MAML3: variants seen among roughly 807,000 people sequenced by gnomAD.
The protein encoded by MAML3 is mastermind like transcriptional coactivator 3, also known as mastermind-like protein 3.
MAML3 carries 27 observed loss-of-function variants against 101.9 expected under a neutral mutation model. The observed-to-expected ratio is 0.27, with a 90% CI of 0.20 to 0.37. MAML3 has a LOEUF of 0.37. Ranked by LOEUF, MAML3 falls within the 10% of genes least tolerant of loss-of-function variation. The pLI is 1.00. For missense variants in MAML3, 1,316 were observed against 1,444.9 expected (o/e 0.91, Z 1.45); for synonymous variants, 501 against 555.9 (o/e 0.90, Z 1.39).
intron 2 of MAML3, among the ~76,000 whole-genome samples, chr4:139,769,916 C>CTTTT (rs139445743): frequency 2.0e-4 from 27 of 132,276 alleles, no homozygotes; most frequent in East Asian, 1.6e-3. Context: ...CGCCCAGCCT[C>CTTTT]TTTTTTTTTT....
chr4:140,030,652 C>T (rs982620204), intron 1 of MAML3, among the ~76,000 whole-genome samples: 1 of 152,172 alleles, frequency 6.6e-6, no homozygotes, highest in African/African-American at 2.4e-5. Flanking sequence ...ACTCCCTAGG[C>T]ATTTCACCTC....
intron 1 of MAML3, among the ~76,000 whole-genome samples, chr4:139,909,751 C>T (rs1172487333): frequency 2.1e-5 from 3 of 144,860 alleles, no homozygotes; most frequent in African/African-American, 5.0e-5. Context: ...GCAGGAGAAT[C>T]GCTTGAACCT....
intron 1 of MAML3, among the ~76,000 whole-genome samples, chr4:140,025,488 TCCTGA>T (rs1490241572): frequency 1.3e-5 from 2 of 152,172 alleles, no homozygotes. Context: ...AAGATTTCTG[TCCTGA>T]TGAAAATAAT....
At chr4:139,988,326 CAAAAA>C (rs764018702) in intron 1 of MAML3, among the ~76,000 whole-genome samples, 1 of 81,954 alleles carries the variant, frequency 1.2e-5, no homozygotes, top group Non-Finnish European at 2.3e-5. Context: ...GACTCCGTCT[CAAAAA>C]AAAAAAAAAA....
chr4:139,905,869 C>T (rs765625470), intron 1 of MAML3, among the ~76,000 whole-genome samples: 37 of 152,098 alleles, frequency 2.4e-4, no homozygotes, highest in Non-Finnish European at 4.3e-4. Flanking sequence ...TTAAAATGAC[C>T]CTATCTCCAA....
rs112757953 is a variant in MAML3, at chr4:140,127,678, A to C, written c.468+25182T>G. Among the ~76,000 whole-genome samples the C allele has an allele frequency of 9.8e-3, 1,488 of 152,316 alleles. 28 individuals are homozygous for C. Among genetic ancestry groups the C allele is most frequent in the African/African-American group, 0.033 (1,375 of 41,562 alleles). On this transcript the variant is annotated intron_variant, in intron 1 of 4. Transcript: ENST00000509479. ...AATAATAACAGCTGATATTTATAGA[A>C]GGCTCACTGTGGATCCAGAACTTTA...
At chr4:139,973,905 A>AG (rs1011141969) in intron 1 of MAML3, among the ~76,000 whole-genome samples, 10 of 152,206 alleles carry the variant, frequency 6.6e-5, no homozygotes, top group Admixed American at 3.3e-4. Context: ...CCTCCAAGAA[A>AG]GGCAAAATTT....
At chr4:140,072,150 T>G (rs531923384) in intron 1 of MAML3, among the ~76,000 whole-genome samples, 5 of 152,308 alleles carry the variant, frequency 3.3e-5, no homozygotes, top group Non-Finnish European at 7.3e-5. Context: ...TAATCCTTCC[T>G]TCTCTAGACA....
intron 1 of MAML3, among the ~76,000 whole-genome samples, chr4:140,039,563 T>C (rs551579320): frequency 3.2e-4 from 49 of 152,304 alleles, no homozygotes; most frequent in African/African-American, 1.0e-3. Flanking sequence ...GCTCCTCCTC[T>C]TGACCCCCAT....
At chr4:140,088,592 A>G (rs1341780163) in intron 1 of MAML3, among the ~76,000 whole-genome samples, 1 of 152,156 alleles carries the variant, frequency 6.6e-6, no homozygotes, top group Non-Finnish European at 1.5e-5. Context: ...TTCCTATAGT[A>G]CAGCTCTGAC....
intron 2 of MAML3, among the ~76,000 whole-genome samples, chr4:139,792,754 T>G (rs1197271711): frequency 6.6e-6 from 1 of 151,472 alleles, no homozygotes; most frequent in Non-Finnish European, 1.5e-5. Flanking sequence ...CTTTCTTTTT[T>G]TTTTTTTTGA....
intron 1 of MAML3, among the ~76,000 whole-genome samples, chr4:139,998,351 A>T (rs1482939657): frequency 1.8e-5 from 2 of 113,652 alleles, no homozygotes. Flanking sequence ...TTAATTTTTT[A>T]AAAATAGATT....
chr4:140,040,381 T>C (rs1727062546), intron 1 of MAML3, among the ~76,000 whole-genome samples: 4 of 152,108 alleles, frequency 2.6e-5, no homozygotes, highest in Admixed American at 2.6e-4. Flanking sequence ...TCAAGTGCAG[T>C]CTTCAAAAAT....
intron 1 of MAML3, among the ~76,000 whole-genome samples, chr4:139,965,980 A>G (rs1461440185): frequency 6.6e-6 from 1 of 152,214 alleles, no homozygotes; most frequent in Non-Finnish European, 1.5e-5. Context: ...GCCAAGTAAT[A>G]TAATTAACTT....
chr4:139,948,112 A>ATAAATAAG (rs1258380328), intron 1 of MAML3, among the ~76,000 whole-genome samples: 1 of 150,310 alleles, frequency 6.7e-6, no homozygotes, highest in South Asian at 2.1e-4. Context: ...AAATAAATAA[A>ATAAATAAG]TAAATAAATA....
At position 139,847,002 on chromosome 4, in the gene MAML3, T is replaced by C. The variant is rs576680540; in HGVS notation, c.2079+42355A>G. On this transcript the variant is annotated intron_variant, in intron 2 of 4. Transcript: ENST00000509479. ...AGATTTTCACAGTTCACACTTAGGATTTTCCGAATCTATGAGAAGACAGGC... is the reference window on the plus strand; with the variant it reads ...AGATTTTCACAGTTCACACTTAGGACTTTCCGAATCTATGAGAAGACAGGC... 2.0e-5 allele frequency among the ~76,000 whole-genome samples: 3 copies of C among 152,238 alleles called. No individual in the cohort carries two copies. In the South Asian group the frequency reaches 6.2e-4, roughly 32 times the overall value.
chr4:139,975,546 C>T (rs952969886), intron 1 of MAML3, among the ~76,000 whole-genome samples: 1 of 152,128 alleles, frequency 6.6e-6, no homozygotes, highest in Non-Finnish European at 1.5e-5. Flanking sequence ...GATTTATTTA[C>T]TTTCTAAAAT....
intron 2 of MAML3, among the ~76,000 whole-genome samples, chr4:139,860,023 G>T (rs866147013): frequency 3.9e-5 from 6 of 152,200 alleles, no homozygotes; most frequent in African/African-American, 1.4e-4. Flanking sequence ...GAGTACCCGG[G>T]GGCAGGCGCG....
rs1241743344 is a variant in MAML3, at chr4:139,877,337, C to T, written c.2079+12020G>A. ...ATCTTTGTATAGGAAAGCAGCATTT[C>T]CCCCCACCCCCCGAAGAGTATTATA... On this transcript the variant is annotated intron_variant, in intron 2 of 4. Coordinates refer to ENST00000509479, the MANE Select transcript of MAML3 (RefSeq NM_018717.5). Among the ~76,000 whole-genome samples, 3 of 151,588 alleles carry T rather than the reference C, an allele frequency of 2.0e-5. No homozygotes were observed. The East Asian group carries it at 5.8e-4, about 29-fold the overall frequency.
Sources: allele counts gnomAD v4.1 joint callset (sites outside exome capture counted in the v4.1 genomes callset), GRCh38; gene constraint gnomAD v4.1.1; transcripts MANE v1.5; gene names NCBI Gene and HGNC (gene_info 2026-07-23, HGNC 2026-07-21).